Variants in HEXB observed in about 807,000 individuals in gnomAD.
HEXB encodes the protein hexosaminidase subunit beta.
In HEXB, 51 loss-of-function variants were observed where a neutral mutation model predicts 71.2. The ratio of observed to expected loss-of-function variants is 0.72; its 90% CI spans 0.57 to 0.90. The LOEUF is 0.90. HEXB is among the 40% of genes least tolerant of loss of function. The probability of loss-of-function intolerance (pLI) is 0.00; values close to 1 mark genes in which losing one functional copy is unlikely to be tolerated. For missense variants in HEXB, 617 were observed against 677.0 expected (o/e 0.91, Z 0.98); for synonymous variants, 266 against 249.3 (o/e 1.07, Z -0.63).
intron 1 of HEXB, among the ~76,000 whole-genome samples, chr5:74,644,538 T>C (rs140601754): frequency 6.6e-6 from 1 of 152,242 alleles, no homozygotes; most frequent in African/African-American, 2.4e-5. Context: ...TCTGGCTGTT[T>C]ATTAAAGAGA....
At chr5:74,683,304 T>TC (rs201063681), upstream of HEXB, among the ~76,000 whole-genome samples, 23 of 148,080 alleles carry the variant, frequency 1.6e-4, no homozygotes, top group African/African-American at 2.5e-4. Flanking sequence ...AGTTTCTTCT[T>TC]TTTTTTTTTT....
At chr5:74,646,569 CTTT>C (rs1356916050) in intron 1 of HEXB, among the ~76,000 whole-genome samples, 5 of 139,744 alleles carry the variant, frequency 3.6e-5, no homozygotes, top group Non-Finnish European at 6.3e-5. Flanking sequence ...ACAATTCATT[CTTT>C]TTTTTTTTTT....
At chr5:74,677,244 AAAC>A (rs1439659542) in intron 1 of HEXB, among the ~76,000 whole-genome samples, 1 of 152,156 alleles carries the variant, frequency 6.6e-6, no homozygotes, top group Non-Finnish European at 1.5e-5. Context: ...AGCTAGAAAA[AAAC>A]AAAATAAACA....
At chr5:74,654,778 G>A (rs1748186020) in intron 1 of HEXB, among the ~76,000 whole-genome samples, 1 of 152,206 alleles carries the variant, frequency 6.6e-6, no homozygotes, top group Admixed American at 6.5e-5. Flanking sequence ...GCTGCCATGT[G>A]GGGAGTGCGC....
chr5:74,650,663 T>G (rs146020626), intron 1 of HEXB, among the ~76,000 whole-genome samples: 24,005 of 151,840 alleles, frequency 0.16, 2,507 homozygotes, highest in African/African-American at 0.3. Flanking sequence ...GGCTCACGCC[T>G]GTCATCCCAG....
intron 1 of HEXB, among the ~76,000 whole-genome samples, chr5:74,656,521 AAAATAAAATAAAATAAAAT>A: frequency 6.8e-5 from 2 of 29,324 alleles, no homozygotes; most frequent in African/African-American, 2.7e-4. Flanking sequence ...AAAATAAAAT[AAAATAAAATAAAATAAAAT>A]AAAAGTCAGG....
chr5:74,706,057 A>G (rs1302245618), intron 6 of HEXB: 2 of 152,970 alleles, frequency 1.3e-5, no homozygotes, highest in Non-Finnish European at 2.9e-5. Context: ...TTTCAAACAT[A>G]TACAGATACA....
chr5:74,668,419 A>G (rs1269041790), intron 1 of HEXB, among the ~76,000 whole-genome samples: 1 of 152,182 alleles, frequency 6.6e-6, no homozygotes, highest in Non-Finnish European at 1.5e-5. Flanking sequence ...TTTGCTATGT[A>G]AGAGAATTTC....
chr5:74,666,888 T>A (rs1748441871), intron 1 of HEXB, among the ~76,000 whole-genome samples: 1 of 152,066 alleles, frequency 6.6e-6, no homozygotes, highest in African/African-American at 2.4e-5. Context: ...AATGGAGACG[T>A]GTTCTTAGGC....
intron 7 of HEXB, among the ~76,000 whole-genome samples, chr5:74,714,957 G>C (rs1013976828): frequency 4.6e-5 from 7 of 152,158 alleles, no homozygotes; most frequent in Admixed American, 6.5e-5. Context: ...ACAGATTGGA[G>C]TTCTGGACCA....
At chr5:74,648,351 G>C (rs1748038786) in intron 1 of HEXB, among the ~76,000 whole-genome samples, 2 of 152,064 alleles carry the variant, frequency 1.3e-5, no homozygotes, top group Admixed American at 1.3e-4. Context: ...TTTTGTAGTT[G>C]ACTTTTTAAA....
intron 6 of HEXB, among the ~76,000 whole-genome samples, chr5:74,708,606 G>A (rs1051881915): frequency 6.6e-6 from 1 of 152,040 alleles, no homozygotes; most frequent in South Asian, 2.1e-4. Context: ...ATCTACCAAG[G>A]AAATGGAAAA....
chr5:74,671,545 G>A (rs1748539551), intron 1 of HEXB, among the ~76,000 whole-genome samples: 1 of 152,118 alleles, frequency 6.6e-6, no homozygotes. Context: ...GGAGAGAAGG[G>A]TGAAGCGGGG....
intron 1 of HEXB, among the ~76,000 whole-genome samples, chr5:74,654,712 A>G (rs191573855): frequency 1.3e-5 from 2 of 152,288 alleles, no homozygotes; most frequent in East Asian, 3.9e-4. Flanking sequence ...GCCACAGGGA[A>G]CCTCTGAAAG....
intron 5 of HEXB, among the ~76,000 whole-genome samples, chr5:74,704,072 T>C (rs1749323690): frequency 6.6e-6 from 1 of 152,266 alleles, no homozygotes; most frequent in Non-Finnish European, 1.5e-5. Flanking sequence ...TAACAAACTC[T>C]ATGGCTTGCA....
intron 1 of HEXB, among the ~76,000 whole-genome samples, chr5:74,677,929 A>C (rs1748666288): frequency 6.6e-6 from 1 of 152,126 alleles, no homozygotes; most frequent in Non-Finnish European, 1.5e-5. Context: ...TTAAAATAGG[A>C]AGAAATTTTA....
upstream of HEXB, among the ~76,000 whole-genome samples, chr5:74,684,591 C>T (rs1580376387): frequency 6.6e-6 from 1 of 152,156 alleles, no homozygotes; most frequent in East Asian, 1.9e-4. Flanking sequence ...CACAGGAGAG[C>T]GCCCGTGTTG....
At chr5:74,692,929 G>T (rs892951914) in intron 2 of HEXB, among the ~76,000 whole-genome samples, 2 of 152,212 alleles carry the variant, frequency 1.3e-5, no homozygotes, top group African/African-American at 4.8e-5. Context: ...TTCAAAGATT[G>T]AAAGATTAGC....
At chr5:74,703,471 T>C (rs565049936) in intron 5 of HEXB, among the ~76,000 whole-genome samples, 12 of 152,194 alleles carry the variant, frequency 7.9e-5, no homozygotes, top group Admixed American at 6.5e-5. Flanking sequence ...TTGAAACCAA[T>C]ATCTAGGCTC....
Sources: gnomAD v4.1 joint callset for allele counts (sites outside exome capture counted in the v4.1 genomes callset) on GRCh38, gnomAD v4.1.1 for gene constraint, MANE v1.5 for transcripts, NCBI Gene and HGNC (gene_info 2026-07-23, HGNC 2026-07-21) for gene names.